PCDHGA4: variants seen among roughly 807,000 people sequenced by gnomAD.
The protein encoded by PCDHGA4 is protocadherin gamma subfamily A, 4, also known as protocadherin gamma-A4.
PCDHGA4 carries 38 observed loss-of-function variants against 54.6 expected under a neutral mutation model. The observed-to-expected ratio is 0.70, with a 90% CI of 0.54 to 0.91. The LOEUF (loss-of-function observed/expected upper bound fraction) is 0.91. PCDHGA4 is among the 40% of genes least tolerant of loss of function. The pLI is 0.00. For synonymous variants in PCDHGA4, 511 were observed against 512.9 expected (o/e 1.00, Z 0.05); for missense variants, 1,298 against 1,220.9 (o/e 1.06, Z -0.94).
At chr5:141,463,296 C>T (rs1194250577) in intron 1 of PCDHGA4, among the ~76,000 whole-genome samples, 1 of 151,986 alleles carries the variant, frequency 6.6e-6, no homozygotes, top group African/African-American at 2.4e-5. Flanking sequence ...CTCCTAATCT[C>T]CCCAAACTCT....
chr5:141,511,320 A>G lies in PCDHGA4; in HGVS notation c.*147A>G. ...CATGCTCCCCTTGGGAAACAGAAAC[A>G]AGTGCCCAGTCAGCACCTACCCCTT... On this transcript the variant is annotated 3_prime_UTR_variant, in exon 4 of 4. Transcript: ENST00000571252. 6.8e-7 allele frequency: 1 copy of G among 1,475,678 alleles called. No homozygotes were observed. The highest frequency in any genetic ancestry group is 1.4e-5 in the South Asian group (1 of 72,746). 91.4% of individuals were successfully genotyped at this position (1,475,678 alleles called of 1,614,324 possible).
intron 1 of PCDHGA4, among the ~76,000 whole-genome samples, chr5:141,457,254 A>G (rs2098914828): frequency 6.6e-6 from 1 of 152,222 alleles, no homozygotes; most frequent in Admixed American, 6.5e-5. Flanking sequence ...TTGCCAACAT[A>G]TAGAATTCCC....
At chr5:141,365,092 C>T in intron 1 of PCDHGA4, 1 of 1,613,856 alleles carries the variant, frequency 6.2e-7, no homozygotes, top group Non-Finnish European at 8.5e-7. Flanking sequence ...TTCCAGAGAA[C>T]ATACCTGTGG....
chr5:141,478,678 C>T (rs3805695), intron 1 of PCDHGA4: 273,671 of 1,551,084 alleles, frequency 0.18, 26,385 homozygotes, highest in African/African-American at 0.39. Context: ...TTCAACTGGC[C>T]CTTCCTAGAT....
At chr5:141,394,425 G>A (rs2092997484) in intron 1 of PCDHGA4, 6 of 1,614,232 alleles carry the variant, frequency 3.7e-6, no homozygotes, top group Non-Finnish European at 5.1e-6. Flanking sequence ...CAGCGACAGC[G>A]GGGACCCGCC....
intron 1 of PCDHGA4, chr5:141,388,397 A>G (rs375367492): frequency 2.9e-4 from 463 of 1,613,838 alleles, no homozygotes; most frequent in Non-Finnish European, 3.7e-4. Context: ...AGAATTACCA[A>G]CTCAGTCCCA....
rs1399463036 is a variant in PCDHGA4 at position 141,356,627 on chromosome 5, C to T, written c.1520C>T (p.Ala507Val). The change falls in exon 1 of 4, where the codon GCT becomes GTT. Residue 507 changes from alanine to valine, a missense_variant. By Grantham distance (64) the Ala-to-Val change is moderately conservative. Coordinates refer to ENST00000571252, the MANE Select transcript of PCDHGA4 (RefSeq NM_018917.4). ...PRGASILSMT[A>V]QDPDSGDNAR... The stretch of plus-strand genomic sequence containing the variant: ...GGAGCCTCCATCTTATCTATGACTG[C>T]TCAAGACCCTGACAGTGGTGACAAT... 6.2e-7 allele frequency: 1 copy of T among 1,614,182 alleles called. No individual in the cohort carries two copies. The highest frequency in any genetic ancestry group is 8.5e-7 in the Non-Finnish European group (1 of 1,180,014).
At chr5:141,481,812 C>T (rs2099545604) in intron 1 of PCDHGA4, among the ~76,000 whole-genome samples, 2 of 149,798 alleles carry the variant, frequency 1.3e-5, no homozygotes, top group South Asian at 2.1e-4. Context: ...ATTCACCAGG[C>T]GTGGTGGCTG....
intron 1 of PCDHGA4, chr5:141,413,324 G>A: frequency 6.2e-7 from 1 of 1,613,968 alleles, no homozygotes; most frequent in South Asian, 1.1e-5. Context: ...TCTTTCGTGG[G>A]CAACATCTCC....
At chr5:141,360,215 G>C (rs777537456) in intron 1 of PCDHGA4, 30 of 1,613,432 alleles carry the variant, frequency 1.9e-5, no homozygotes, top group Non-Finnish European at 2.5e-5. Flanking sequence ...TTGTTCCCCG[G>C]GGCTCTCCCA....
Position 141,485,684 on chromosome 5 carries a change from A to T in PCDHGA4, c.2515-9123A>T, listed in dbSNP as rs746176226. On this transcript the variant is annotated intron_variant, in intron 1 of 3. Transcript: ENST00000571252. The surrounding 1 kb of genome is among the most constrained non-coding windows in gnomAD (Gnocchi z 5.7). ...GGGGAGCAATTCGATTAGCAGCTAT[A>T]GGCTGAGCTCCAATGAACACTTTGC... 1 of 1,614,056 alleles carries T rather than the reference A, an allele frequency of 6.2e-7. No homozygotes were observed. The highest frequency in any genetic ancestry group is 1.1e-5 in the South Asian group (1 of 91,082).
At chr5:141,365,423 G>C (rs182594355) in intron 1 of PCDHGA4, 2 of 1,614,018 alleles carry the variant, frequency 1.2e-6, no homozygotes, top group South Asian at 2.2e-5. Context: ...TCCCGGAACT[G>C]TAATCGCGCT....
At chr5:141,415,198 G>T in intron 1 of PCDHGA4, 2 of 1,614,038 alleles carry the variant, frequency 1.2e-6, no homozygotes, top group Non-Finnish European at 1.7e-6. Context: ...CATCCCCCAA[G>T]TCCTGGCGGA....
chr5:141,394,724 G>C (rs2093074353), intron 1 of PCDHGA4: 2 of 1,613,380 alleles, frequency 1.2e-6, no homozygotes, highest in Non-Finnish European at 1.7e-6. Context: ...ACAGAGATGC[G>C]CTCAAGCAGA....
At chr5:141,402,788 C>A in intron 1 of PCDHGA4, 1 of 937,148 alleles carries the variant, frequency 1.1e-6, no homozygotes, top group Non-Finnish European at 1.5e-6. Flanking sequence ...AGTTCTGCGG[C>A]TACACAAAAC....
chr5:141,392,096 A>G (rs2092464422), intron 1 of PCDHGA4: 1 of 152,256 alleles, frequency 6.6e-6, no homozygotes, highest in Non-Finnish European at 1.5e-5. Context: ...AGAATAATTT[A>G]AAAGCAACAA....
chr5:141,455,593 C>T (rs957677108), intron 1 of PCDHGA4, among the ~76,000 whole-genome samples: 4 of 152,070 alleles, frequency 2.6e-5, no homozygotes, highest in Non-Finnish European at 5.9e-5. Flanking sequence ...AATATGCAAA[C>T]GTAGGGCGCC....
chr5:141,481,842 T>C (rs1402237517), intron 1 of PCDHGA4, among the ~76,000 whole-genome samples: 1 of 144,038 alleles, frequency 6.9e-6, no homozygotes, highest in Non-Finnish European at 1.5e-5. Flanking sequence ...AATCGCTTGA[T>C]GGTGGAGGTT....
intron 1 of PCDHGA4, chr5:141,395,944 C>G (rs1218959085): frequency 6.6e-6 from 1 of 151,840 alleles, no homozygotes; most frequent in East Asian, 1.9e-4. Context: ...CATTGCTCCC[C>G]CAAACAAAAA....
Sources: gnomAD v4.1 joint callset for allele counts (sites outside exome capture counted in the v4.1 genomes callset) on GRCh38, gnomAD v4.1.1 for gene constraint, Gnocchi (gnomAD v3.1) non-coding constraint, MANE v1.5 for transcripts, NCBI Gene and HGNC (gene_info 2026-07-23, HGNC 2026-07-21) for gene names.